TBC1D16: variants seen among roughly 807,000 people sequenced by gnomAD.
TBC1D16 encodes the protein CTD-2529O21.1.
In TBC1D16, 58 loss-of-function variants were observed where a neutral mutation model predicts 74.7. That is an observed-to-expected ratio of 0.78 (90% CI 0.63 to 0.97). The LOEUF (loss-of-function observed/expected upper bound fraction) is 0.97. TBC1D16 is among the 50% of genes least tolerant of loss of function. The pLI is 0.00. For synonymous variants in TBC1D16, 493 were observed against 474.7 expected, an observed-to-expected ratio of 1.04 and a Z score of -0.50; for missense variants, 1,014 against 1,079.5, an observed-to-expected ratio of 0.94 and a Z score of 0.85.
At chr17:79,943,658 T>G (rs1032658130) in intron 10 of TBC1D16, among the ~76,000 whole-genome samples, 7 of 147,178 alleles carry the variant, frequency 4.8e-5, no homozygotes, top group African/African-American at 1.8e-4. Flanking sequence ...AACAGAAACT[T>G]GCTTTGTGGA....
intron 3 of TBC1D16, among the ~76,000 whole-genome samples, chr17:79,976,464 CGTGT>C (rs916786448): frequency 6.6e-6 from 1 of 152,224 alleles, no homozygotes; most frequent in Non-Finnish European, 1.5e-5. Flanking sequence ...TGTGTGTGCA[CGTGT>C]GTGTGTTTAC....
chr17:79,948,928 T>A lies in TBC1D16; in HGVS notation c.1485A>T (p.Thr495=). 1 of 1,614,192 alleles carries A rather than the reference T, an allele frequency of 6.2e-7. No individual in the cohort carries two copies. Among genetic ancestry groups the A allele is most frequent in the Non-Finnish European group, 8.5e-7 (1 of 1,180,032 alleles). Residue 495 remains threonine, a synonymous_variant, in exon 8 of 12, where the codon ACA becomes ACT. Transcript: ENST00000310924. ...QFTVDKDVVR[T]DRNNQFFRGE... The stretch of plus-strand genomic sequence containing the variant: ...CCCGGAAGAACTGGTTGTTCCGATC[T>A]GTCCGGACCACGTCTTTGTCCACAG...
chr17:80,007,565 G>C lies in TBC1D16; in HGVS notation c.779+2595C>G, dbSNP rs940816220. Among the ~76,000 whole-genome samples, 24 of 152,346 alleles carry C rather than the reference G, an allele frequency of 1.6e-4. No individual in the cohort carries two copies. The highest frequency in any genetic ancestry group is 5.8e-4 in the African/African-American group (24 of 41,584). On this transcript the variant is annotated intron_variant, in intron 3 of 11. Coordinates refer to ENST00000310924, the MANE Select transcript of TBC1D16 (RefSeq NM_019020.4). This position sits in a 1 kb window ranked among gnomAD's most constrained non-coding sequence, Gnocchi z 4.5. ...CAGTGGGGACTCGAGTGTCAGAGCA[G>C]AGAAGGGGGCCATGGGGAGGGCCCT...
chr17:79,981,336 C>T lies in TBC1D16; in HGVS notation c.780-28518G>A, dbSNP rs2034570561. Among the ~76,000 whole-genome samples, 1 of 152,150 alleles carries T rather than the reference C, an allele frequency of 6.6e-6. No individual in the cohort carries two copies. Among genetic ancestry groups the T allele is most frequent in the Non-Finnish European group, 1.5e-5 (1 of 68,036 alleles). The stretch of plus-strand genomic sequence containing the variant: ...TTAGAGCAAAATGGCTGTTCACCAG[C>T]GGCGGGTATGTTCTTAGACCCTCCA... On this transcript the variant is annotated intron_variant, in intron 3 of 11. Coordinates refer to ENST00000310924, the MANE Select transcript of TBC1D16 (RefSeq NM_019020.4). The surrounding 1 kb of genome is among the most constrained non-coding windows in gnomAD (Gnocchi z 6.9).
At chr17:79,970,361 A>G (rs2034032313) in intron 3 of TBC1D16, among the ~76,000 whole-genome samples, 1 of 152,158 alleles carries the variant, frequency 6.6e-6, no homozygotes, top group East Asian at 1.9e-4. Context: ...TTGTGATTAC[A>G]CAGCTTCATG....
chr17:79,953,523 G>A (rs1202638097), intron 3 of TBC1D16, among the ~76,000 whole-genome samples: 1 of 152,194 alleles, frequency 6.6e-6, no homozygotes, highest in Non-Finnish European at 1.5e-5. Flanking sequence ...GGCCCAGAGA[G>A]GTTAAGTAAT....
rs933127637 is a variant in TBC1D16, at chr17:79,983,100, C to T, written c.779+27060G>A. On this transcript the variant is annotated intron_variant, in intron 3 of 11. Coordinates refer to ENST00000310924, the MANE Select transcript of TBC1D16 (RefSeq NM_019020.4). The surrounding 1 kb of genome is among the most constrained non-coding windows in gnomAD (Gnocchi z 5.6). ...TGTTCATCAAGGACAAGCGGGAAGCCGGGAACAGCTCCATGTCCATGGAAG... is the reference window on the plus strand; with the variant it reads ...TGTTCATCAAGGACAAGCGGGAAGCTGGGAACAGCTCCATGTCCATGGAAG... 3.3e-5 allele frequency among the ~76,000 whole-genome samples: 5 copies of T among 152,180 alleles called. No individual in the cohort carries two copies. The highest frequency in any genetic ancestry group is 7.2e-5 in the African/African-American group (3 of 41,448).
chr17:80,002,885 G>A (rs1261362775), intron 3 of TBC1D16, among the ~76,000 whole-genome samples: 2 of 152,244 alleles, frequency 1.3e-5, no homozygotes, highest in Admixed American at 6.5e-5. Context: ...GACCCTGTGA[G>A]GAAGCACCCG....
chr17:79,932,354 A>G lies in TBC1D16; in HGVS notation c.*8505T>C, dbSNP rs2031306752. ...TCCACAAACCTGGGTGACACTTATT[A>G]TCCTTCAGTCTTTATTTTAAATAAG... On this transcript the variant is annotated 3_prime_UTR_variant, in exon 12 of 12. Transcript: ENST00000310924. 6.6e-6 allele frequency: 1 copy of G among 152,200 alleles called. No individual in the cohort carries two copies. The highest frequency in any genetic ancestry group is 2.4e-5 in the African/African-American group (1 of 41,442). The allele number at this position is 152,200 out of a possible 1,614,324, so 9.4% of individuals were successfully genotyped here. A position where few individuals can be genotyped will look rare whatever the true frequency, so the allele number is the denominator to read the frequency against.
At position 79,988,516 on chromosome 17, in the gene TBC1D16, C is replaced by T. The variant is rs1017543912; in HGVS notation, c.779+21644G>A. ...CATAAGACCATGGCTGAAAGTCAAA[C>T]GCGCCCAGAGTCCACAGTCGACCAC... On this transcript the variant is annotated intron_variant, in intron 3 of 11. Coordinates refer to ENST00000310924, the MANE Select transcript of TBC1D16 (RefSeq NM_019020.4). The surrounding 1 kb of genome is among the most constrained non-coding windows in gnomAD (Gnocchi z 5.7). 4.6e-5 allele frequency among the ~76,000 whole-genome samples: 7 copies of T among 152,232 alleles called. No homozygotes were observed. Among genetic ancestry groups the T allele is most frequent in the Admixed American group, 2.6e-4 (4 of 15,286 alleles).
In TBC1D16 at chr17:79,988,593, A is replaced by G. The variant is rs2144433594; in HGVS notation, c.779+21567T>C. ...GTGAACGCACGTGCCTGCGTTCTGTACCAAACAGTTGTCAACACACACCAG... is the reference window on the plus strand; with the variant it reads ...GTGAACGCACGTGCCTGCGTTCTGTGCCAAACAGTTGTCAACACACACCAG... On this transcript the variant is annotated intron_variant, in intron 3 of 11. Coordinates refer to ENST00000310924, the MANE Select transcript of TBC1D16 (RefSeq NM_019020.4). The surrounding 1 kb of genome is among the most constrained non-coding windows in gnomAD (Gnocchi z 5.7). Among the ~76,000 whole-genome samples, 1 of 152,354 alleles carries G rather than the reference A, an allele frequency of 6.6e-6. No homozygotes were observed. Among genetic ancestry groups the G allele is most frequent in the South Asian group, 2.1e-4 (1 of 4,826 alleles).
intron 4 of TBC1D16, 145 bp from the exon 5 acceptor site, chr17:79,951,742 G>C: frequency 9.9e-7 from 1 of 1,014,902 alleles, no homozygotes; most frequent in Non-Finnish European, 1.4e-6. Flanking sequence ...GCTAGCGGGA[G>C]GGGACAGAAC....
chr17:80,002,210 C>T (rs1318369253), intron 3 of TBC1D16, among the ~76,000 whole-genome samples: 2 of 152,216 alleles, frequency 1.3e-5, no homozygotes, highest in African/African-American at 2.4e-5. Flanking sequence ...TTCTCAGAGA[C>T]TGGACTCTTC....
chr17:80,001,098 C>A lies in TBC1D16; in HGVS notation c.779+9062G>T, dbSNP rs1271024953. ...CCGCCTGACAGTGAGACTGCTGGGG[C>A]GAGGCTATGTCCTGTGGCCATTTCT... is the stretch of plus-strand genomic sequence containing the variant. On this transcript the variant is annotated intron_variant, in intron 3 of 11. Transcript: ENST00000310924. This position sits in a 1 kb window ranked among gnomAD's most constrained non-coding sequence, Gnocchi z 5.8. Among the ~76,000 whole-genome samples, 1 of 152,210 alleles carries A rather than the reference C, an allele frequency of 6.6e-6. No homozygotes were observed. The highest frequency in any genetic ancestry group is 1.9e-4 in the East Asian group (1 of 5,182).
chr17:79,942,755 G>A (rs1329396643), intron 10 of TBC1D16, among the ~76,000 whole-genome samples: 1 of 152,228 alleles, frequency 6.6e-6, no homozygotes, highest in Non-Finnish European at 1.5e-5. Context: ...AGGGTTTGTG[G>A]CTAGAAAAGT....
intron 1 of TBC1D16, among the ~76,000 whole-genome samples, chr17:80,014,870 G>T (rs1193381925): frequency 1.3e-5 from 2 of 152,244 alleles, no homozygotes; most frequent in Non-Finnish European, 2.9e-5. Flanking sequence ...GAGAACTTCT[G>T]CCCCGTGAGG....
rs535220821 is a variant in TBC1D16, at chr17:79,968,062, G to A, written c.780-15244C>T. ...GGCTACAGTGCAGTGGCGAGATCTCGGCTCACTGCAACCTCCGCCTCCTGA... is the reference window on the plus strand; with the variant it reads ...GGCTACAGTGCAGTGGCGAGATCTCAGCTCACTGCAACCTCCGCCTCCTGA... On this transcript the variant is annotated intron_variant, in intron 3 of 11. Transcript: ENST00000310924. Among the ~76,000 whole-genome samples the A allele has an allele frequency of 4.8e-4, 73 of 151,582 alleles. 1 individual carries two copies. In the South Asian group the frequency reaches 0.011, roughly 23 times the overall value.
rs376743325 is a variant in TBC1D16 at position 80,006,280 on chromosome 17, C to T, written c.779+3880G>A. Among the ~76,000 whole-genome samples the T allele has an allele frequency of 5.6e-4, 85 of 152,218 alleles. 1 individual carries two copies. In the South Asian group the frequency reaches 0.016, roughly 29 times the overall value. On this transcript the variant is annotated intron_variant, in intron 3 of 11. Transcript: ENST00000310924. ...TTCACAGCAGGGGTTCTCAACGCTA[C>T]GTGCACTTCAGAAACCCCCAGGAAG...
At chr17:80,019,943 A>G (rs1017718010) in intron 1 of TBC1D16, among the ~76,000 whole-genome samples, 9 of 150,100 alleles carry the variant, frequency 6.0e-5, no homozygotes, top group Non-Finnish European at 1.3e-4. Flanking sequence ...CTTAAACCCC[A>G]GTACCCAAGA....
Sources: gnomAD v4.1 joint callset for allele counts (sites outside exome capture counted in the v4.1 genomes callset) on GRCh38, gnomAD v4.1.1 for gene constraint, Gnocchi (gnomAD v3.1) non-coding constraint, MANE v1.5 for transcripts, NCBI Gene and HGNC (gene_info 2026-07-23, HGNC 2026-07-21) for gene names.